ERBIN: variants seen among roughly 807,000 people sequenced by gnomAD.
ERBIN encodes the protein erbb2 interacting protein.
In ERBIN, 60 loss-of-function variants were observed where a neutral mutation model predicts 158.4. The observed-to-expected ratio is 0.38, with a 90% CI of 0.31 to 0.47. The LOEUF is 0.47. ERBIN is among the 20% of genes least tolerant of loss of function. The pLI is 0.99. For synonymous variants in ERBIN, 594 were observed against 557.2 expected (o/e 1.07, Z -0.93); for missense variants, 1,610 against 1,648.0 (o/e 0.98, Z 0.40).
At chr5:65,980,243 C>T (rs781009199) in intron 1 of ERBIN, among the ~76,000 whole-genome samples, 5 of 152,142 alleles carry the variant, frequency 3.3e-5, no homozygotes, top group Middle Eastern at 6.8e-3. Flanking sequence ...TGGGGAAACC[C>T]TGTCTCTACT....
At chr5:65,970,321 T>C (rs10061510) in intron 1 of ERBIN, among the ~76,000 whole-genome samples, 62 of 152,334 alleles carry the variant, frequency 4.1e-4, no homozygotes, top group African/African-American at 1.5e-3. Context: ...CTTTTAAGTC[T>C]TAAAAACTGC....
chr5:65,996,891 A>T (rs961884966), intron 4 of ERBIN, among the ~76,000 whole-genome samples: 1 of 152,068 alleles, frequency 6.6e-6, no homozygotes, highest in African/African-American at 2.4e-5. Context: ...GGTAGCTATT[A>T]TAAATGGGAT....
At chr5:66,009,243 G>A (rs899159484) in intron 4 of ERBIN, among the ~76,000 whole-genome samples, 1 of 152,124 alleles carries the variant, frequency 6.6e-6, no homozygotes, top group Non-Finnish European at 1.5e-5. Context: ...TATATTAGGA[G>A]CATCATTTCA....
At chr5:65,970,686 A>G (rs1246793094) in intron 1 of ERBIN, among the ~76,000 whole-genome samples, 1 of 152,202 alleles carries the variant, frequency 6.6e-6, no homozygotes, top group African/African-American at 2.4e-5. Flanking sequence ...TCCTGGGCTC[A>G]AGCAATCTTC....
intron 4 of ERBIN, among the ~76,000 whole-genome samples, chr5:66,008,730 T>G (rs1227991263): frequency 6.6e-6 from 1 of 152,166 alleles, no homozygotes; most frequent in South Asian, 2.1e-4. Flanking sequence ...CCAATAAAGA[T>G]GAGATATTTA....
chr5:66,060,409 G>A (rs138197154), intron 21 of ERBIN, among the ~76,000 whole-genome samples: 6,160 of 152,054 alleles, frequency 0.041, 421 homozygotes, highest in African/African-American at 0.14. Context: ...TTTTTATTGC[G>A]TCTGTTTGAT....
In ERBIN at chr5:66,042,347, C is replaced by T. The variant is rs1486155353; in HGVS notation, c.1307-730C>T. 7.2e-5 allele frequency among the ~76,000 whole-genome samples: 11 copies of T among 152,122 alleles called. No homozygotes were observed. In the East Asian group the frequency reaches 2.1e-3, roughly 29 times the overall value. ...ATGCCTAATAATAACAAAAAACTGA[C>T]AGTTGTTTAATCTTTGCTTTTGATA... is the stretch of plus-strand genomic sequence containing the variant. On this transcript the variant is annotated intron_variant, in intron 15 of 25. Coordinates refer to ENST00000284037, the MANE Select transcript of ERBIN (RefSeq NM_001253697.2).
At chr5:66,026,492 A>G in intron 13 of ERBIN, 75 bp downstream of exon 13, 2 of 700,936 alleles carry the variant, frequency 2.9e-6, no homozygotes, top group Non-Finnish European at 4.5e-6. Context: ...TATGATATAT[A>G]ATAGAATAGC....
At chr5:66,072,830 T>C (rs1352883667) in intron 22 of ERBIN, among the ~76,000 whole-genome samples, 2 of 152,206 alleles carry the variant, frequency 1.3e-5, no homozygotes, top group Admixed American at 6.5e-5. Context: ...AACTATTTTT[T>C]CTTATTTTCT....
At chr5:65,989,448 CAG>C (rs1345803776) in intron 2 of ERBIN, among the ~76,000 whole-genome samples, 1 of 152,188 alleles carries the variant, frequency 6.6e-6, no homozygotes, top group Admixed American at 6.5e-5. Flanking sequence ...TCTCTATTCA[CAG>C]AAAGTTTTCC....
chr5:65,946,787 CTTTTTT>C (rs918837936), intron 1 of ERBIN, among the ~76,000 whole-genome samples: 27 of 134,464 alleles, frequency 2.0e-4, no homozygotes, highest in Middle Eastern at 3.7e-3. Flanking sequence ...TTGGTTGTTA[CTTTTTT>C]TTTTTTTTTT....
intron 7 of ERBIN, 64 bp from the exon 8 acceptor site, chr5:66,021,258 T>G: frequency 9.7e-7 from 1 of 1,034,904 alleles, no homozygotes; most frequent in Non-Finnish European, 1.5e-6. Flanking sequence ...TTTTAGACTG[T>G]TTTGAAAGCT....
At chr5:65,939,739 G>A (rs1332515302) in intron 1 of ERBIN, among the ~76,000 whole-genome samples, 1 of 152,276 alleles carries the variant, frequency 6.6e-6, no homozygotes, top group African/African-American at 2.4e-5. Context: ...GGTGGAGACG[G>A]GGTTTCGCTG....
chr5:65,939,757 C>G (rs1477145130), intron 1 of ERBIN, among the ~76,000 whole-genome samples: 3 of 152,290 alleles, frequency 2.0e-5, no homozygotes, highest in African/African-American at 2.4e-5. Flanking sequence ...CTGTGTTGGC[C>G]GGGCTGGTCT....
At chr5:65,947,650 AT>A (rs1007888205) in intron 1 of ERBIN, among the ~76,000 whole-genome samples, 1 of 152,192 alleles carries the variant, frequency 6.6e-6, no homozygotes, top group Non-Finnish European at 1.5e-5. Context: ...CAGAGTTTTC[AT>A]TACCCTAAAT....
Position 65,992,868 on chromosome 5 carries a change from A to G in ERBIN, c.150A>G (p.Glu50=). 6.2e-7 allele frequency: 1 copy of G among 1,604,450 alleles called. No individual in the cohort carries two copies. Among genetic ancestry groups the G allele is most frequent in the Non-Finnish European group, 8.5e-7 (1 of 1,176,450 alleles). Residue 50 remains glutamate, a synonymous_variant, in exon 3 of 26, where the codon GAA becomes GAG. Coordinates refer to ENST00000284037, the MANE Select transcript of ERBIN (RefSeq NM_001253697.2). ...EIFTFEKTLE[E]LYLDANQIEE... ...TTACTTTTGAAAAAACCTTGGAGGA[A>G]CTCTATTTAGATGCTAATCAGATTG... is the stretch of plus-strand genomic sequence containing the variant.
chr5:65,938,840 C>T (rs1469380770), intron 1 of ERBIN, among the ~76,000 whole-genome samples: 2 of 152,180 alleles, frequency 1.3e-5, no homozygotes, highest in South Asian at 4.2e-4. Context: ...TGTGAGCCAC[C>T]GCGCCCGGCC....
chr5:65,963,985 G>C (rs1748237324), intron 1 of ERBIN, among the ~76,000 whole-genome samples: 1 of 152,022 alleles, frequency 6.6e-6, no homozygotes, highest in African/African-American at 2.4e-5. Flanking sequence ...ATTTTTAGTA[G>C]AGACGGGGTT....
At chr5:66,060,808 C>CA (rs1243331722) in intron 21 of ERBIN, among the ~76,000 whole-genome samples, 3 of 152,206 alleles carry the variant, frequency 2.0e-5, no homozygotes, top group Non-Finnish European at 4.4e-5. Flanking sequence ...ACCCAGTAGT[C>CA]ATTCAGGAGC....
Sources: allele counts gnomAD v4.1 joint callset (sites outside exome capture counted in the v4.1 genomes callset), GRCh38; gene constraint gnomAD v4.1.1; transcripts MANE v1.5; gene names NCBI Gene and HGNC (gene_info 2026-07-23, HGNC 2026-07-21).